PTPRD: variants seen among roughly 807,000 people sequenced by gnomAD.
PTPRD encodes the protein receptor-type tyrosine-protein phosphatase delta.
A neutral mutation model predicts 214.5 loss-of-function variants in PTPRD; 34 were observed. The ratio of observed to expected loss-of-function variants is 0.16; its 90% confidence interval spans 0.12 to 0.21. The LOEUF is 0.21. Among genes scored for constraint, PTPRD ranks in the 10% least tolerant of loss-of-function variants. The pLI is 1.00. For missense variants in PTPRD, 2,545 were observed against 2,398.7 expected, an observed-to-expected ratio of 1.06 and a Z score of -1.27; for synonymous variants, 1,128 against 845.7, an observed-to-expected ratio of 1.33 and a Z score of -5.79.
Position 8,357,624 on chromosome 9 carries a change from C to G in PTPRD, c.4662-15646G>C, listed in dbSNP as rs77523660. On this transcript the variant is annotated intron_variant, in intron 39 of 45. Coordinates refer to ENST00000381196, the MANE Select transcript of PTPRD (RefSeq NM_002839.4). ...AAACTGCTCCTTAGTAAGGAACCCA[C>G]TCAAGGAAAATGAAGTTTTTTTCTT... 4.4e-3 allele frequency among the ~76,000 whole-genome samples: 665 copies of G among 152,252 alleles called. 7 individuals carry two copies. Among genetic ancestry groups the G allele is most frequent in the African/African-American group, 0.015 (616 of 41,534 alleles).
At chr9:9,864,539 G>C (rs756658749) in intron 5 of PTPRD, among the ~76,000 whole-genome samples, 56 of 151,964 alleles carry the variant, frequency 3.7e-4, no homozygotes, top group Non-Finnish European at 4.0e-4. Flanking sequence ...TGTTTTTTGA[G>C]GCACGGTCTC....
At chr9:9,917,093 T>A in intron 5 of PTPRD, among the ~76,000 whole-genome samples, 1 of 134,576 alleles carries the variant, frequency 7.4e-6, no homozygotes. Flanking sequence ...TCAATAAATG[T>A]CTACATCAAA....
chr9:10,341,413 G>T (rs1197823636), intron 2 of PTPRD, among the ~76,000 whole-genome samples: 5 of 151,612 alleles, frequency 3.3e-5, no homozygotes, highest in African/African-American at 1.2e-4. Flanking sequence ...TTTAATGATT[G>T]AATAAAGAAA....
At chr9:8,680,431 T>G (rs185122382) in intron 12 of PTPRD, among the ~76,000 whole-genome samples, 1 of 152,320 alleles carries the variant, frequency 6.6e-6, no homozygotes, top group African/African-American at 2.4e-5. Context: ...TTCTCTCGTG[T>G]TGAATCTCTT....
intron 2 of PTPRD, among the ~76,000 whole-genome samples, chr9:10,429,596 T>C (rs1023147838): frequency 1.3e-5 from 2 of 151,834 alleles, no homozygotes; most frequent in Admixed American, 6.6e-5. Context: ...AAATATCGCA[T>C]GTTCTCACTC....
At chr9:10,181,901 A>G (rs1300585649) in intron 3 of PTPRD, among the ~76,000 whole-genome samples, 1 of 148,606 alleles carries the variant, frequency 6.7e-6, no homozygotes, top group Non-Finnish European at 1.5e-5. Flanking sequence ...GAACTCTGAG[A>G]CAGAAAAGCT....
At chr9:8,563,609 G>A (rs954929958) in intron 14 of PTPRD, among the ~76,000 whole-genome samples, 2 of 151,626 alleles carry the variant, frequency 1.3e-5, no homozygotes, top group Admixed American at 6.6e-5. Flanking sequence ...GCTAATTTTT[G>A]TATTTTTAGT....
intron 12 of PTPRD, among the ~76,000 whole-genome samples, chr9:8,657,632 A>C (rs2096938954): frequency 1.3e-5 from 2 of 152,070 alleles, no homozygotes; most frequent in Non-Finnish European, 2.9e-5. Context: ...TGTGCTCTTT[A>C]GTTTAATTAG....
intron 34 of PTPRD, among the ~76,000 whole-genome samples, chr9:8,443,613 A>C (rs1045429235): frequency 6.6e-6 from 1 of 152,210 alleles, no homozygotes; most frequent in Admixed American, 6.5e-5. Flanking sequence ...CTGATCATCG[A>C]GTTTTAAATC....
At chr9:8,603,298 T>A (rs1436122819) in intron 14 of PTPRD, among the ~76,000 whole-genome samples, 1 of 152,198 alleles carries the variant, frequency 6.6e-6, no homozygotes. Flanking sequence ...TAAAGGTTGC[T>A]TTTATTGTAA....
Position 10,562,842 on chromosome 9 carries a change from T to C in PTPRD, c.-600+49556A>G, listed in dbSNP as rs77556062. On this transcript the variant is annotated intron_variant, in intron 2 of 45. Transcript: ENST00000381196. ...ACATTGGAGACTTAGAGTCAAGATT[T>C]GCTCAGATACTTGATTTATATCATG... 4.6e-5 allele frequency among the ~76,000 whole-genome samples: 7 copies of C among 152,262 alleles called. No individual in the cohort carries two copies. In the East Asian group the frequency reaches 1.4e-3, roughly 29 times the overall value.
In PTPRD at chr9:8,547,705, G is replaced by T. The variant is rs2080669638; in HGVS notation, c.353-18926C>A. 2.7e-5 allele frequency among the ~76,000 whole-genome samples: 4 copies of T among 150,742 alleles called. No individual in the cohort carries two copies. In the South Asian group the frequency reaches 8.4e-4, roughly 32 times the overall value. On this transcript the variant is annotated intron_variant, in intron 14 of 45. Transcript: ENST00000381196. Reference sequence around the variant, plus strand: ...TATTTTAGAAAAGTCACAGGCATTGGATTTAATTCCAATATCAGCCCATGA... The same window carrying T: ...TATTTTAGAAAAGTCACAGGCATTGTATTTAATTCCAATATCAGCCCATGA...
chr9:9,920,715 G>A (rs937866925), intron 5 of PTPRD, among the ~76,000 whole-genome samples: 1 of 152,084 alleles, frequency 6.6e-6, no homozygotes, highest in African/African-American at 2.4e-5. Context: ...TTAGAAAGGA[G>A]GGCTATAGCC....
chr9:9,604,798 C>A (rs2094035229), intron 7 of PTPRD, among the ~76,000 whole-genome samples: 1 of 151,826 alleles, frequency 6.6e-6, no homozygotes, highest in African/African-American at 2.4e-5. Flanking sequence ...TTTTAAATCA[C>A]ATGTTTTGCC....
intron 3 of PTPRD, among the ~76,000 whole-genome samples, chr9:10,240,558 C>A: frequency 6.6e-6 from 1 of 151,828 alleles, no homozygotes; most frequent in South Asian, 2.1e-4. Flanking sequence ...AAACCACAGA[C>A]CTATATCACT....
chr9:9,655,917 G>T (rs2096500156), intron 7 of PTPRD, among the ~76,000 whole-genome samples: 1 of 152,128 alleles, frequency 6.6e-6, no homozygotes. Context: ...GACGGAGGTT[G>T]CAGTGAACCG....
At chr9:9,423,239 A>G (rs1337335013) in intron 8 of PTPRD, among the ~76,000 whole-genome samples, 4 of 152,120 alleles carry the variant, frequency 2.6e-5, no homozygotes, top group Non-Finnish European at 5.9e-5. Flanking sequence ...ACATGATGGT[A>G]TTTGGAGATG....
At chr9:10,138,307 A>T (rs899365955) in intron 3 of PTPRD, among the ~76,000 whole-genome samples, 2 of 152,078 alleles carry the variant, frequency 1.3e-5, no homozygotes, top group African/African-American at 2.4e-5. Context: ...ATACATTCCT[A>T]GAAACACACA....
intron 4 of PTPRD, among the ~76,000 whole-genome samples, chr9:9,958,256 G>A (rs1939011855): frequency 6.6e-6 from 1 of 152,178 alleles, no homozygotes; most frequent in South Asian, 2.1e-4. Flanking sequence ...GTGGCTGGGT[G>A]CAGTGGCTCA....
Sources: allele counts gnomAD v4.1 joint callset (sites outside exome capture counted in the v4.1 genomes callset), GRCh38; gene constraint gnomAD v4.1.1; transcripts MANE v1.5; gene names NCBI Gene and HGNC (gene_info 2026-07-23, HGNC 2026-07-21).